Variants in FBXO25 observed in about 807,000 individuals in gnomAD.
FBXO25 encodes F-box protein 25.
Under a neutral mutation model 51.9 loss-of-function variants are expected in FBXO25, and 45 were observed. The ratio of observed to expected loss-of-function variants is 0.87; its 90% CI spans 0.68 to 1.11. FBXO25 has a LOEUF of 1.11. Among genes scored for constraint, FBXO25 ranks in the 50% most tolerant of loss-of-function variants. The pLI is 0.00. For synonymous variants in FBXO25, 199 were observed against 151.0 expected (o/e 1.32, Z -2.33); for missense variants, 507 against 428.5 (o/e 1.18, Z -1.62).
intron 6 of FBXO25, 124 bp downstream of exon 6, chr8:450,207 T>C (rs1798994670): frequency 1.8e-6 from 1 of 565,606 alleles, no homozygotes; most frequent in African/African-American, 2.0e-5. Context: ...GTAAATAATG[T>C]GATAACATCA....
chr8:413,518 G>T (rs1796612565), intron 2 of FBXO25, among the ~76,000 whole-genome samples: 1 of 151,960 alleles, frequency 6.6e-6, no homozygotes, highest in Non-Finnish European at 1.5e-5. Flanking sequence ...GCACAGTTTT[G>T]GTGGCATATA....
intron 5 of FBXO25, among the ~76,000 whole-genome samples, chr8:439,244 GC>G (rs1798279291): frequency 1.3e-5 from 2 of 152,152 alleles, no homozygotes; most frequent in Admixed American, 1.3e-4. Context: ...CTGCCCCCTC[GC>G]CCCTCTGGCA....
chr8:425,834 A>G (rs978079480), intron 2 of FBXO25, among the ~76,000 whole-genome samples: 1 of 150,068 alleles, frequency 6.7e-6, no homozygotes, highest in South Asian at 2.1e-4. Flanking sequence ...ACAGGGAACC[A>G]CCTTGTTCTA....
intron 1 of FBXO25, among the ~76,000 whole-genome samples, chr8:408,024 C>T (rs939255078): frequency 1.8e-4 from 28 of 152,324 alleles, no homozygotes; most frequent in Non-Finnish European, 3.7e-4. Context: ...GACGTTTACT[C>T]TTTCATATTC....
rs1800498967 is a variant in FBXO25, at chr8:471,946, A to G, written c.*3142A>G. ...GTGCTGCTTTTAGAACCAAACTGTC[A>G]TATAAGATTTATCAGCTCTTTTAAC... On this transcript the variant is annotated 3_prime_UTR_variant, in exon 10 of 10. Transcript: ENST00000350302. The G allele has an allele frequency of 6.6e-6, 1 of 152,258 alleles. No homozygotes were observed. The highest frequency in any genetic ancestry group is 2.4e-5 in the African/African-American group (1 of 41,464). The allele number at this position is 152,258 out of a possible 1,614,324, so 9.4% of individuals were successfully genotyped here.
Position 474,865 on chromosome 8 carries a change from G to C in FBXO25, c.*6061G>C. 2.2e-6 allele frequency: 1 copy of C among 448,912 alleles called. No homozygotes were observed. The highest frequency in any genetic ancestry group is 4.4e-6 in the Non-Finnish European group (1 of 225,024). 27.8% of individuals were successfully genotyped at this position (448,912 alleles called of 1,614,324 possible). On this transcript the variant is annotated 3_prime_UTR_variant, in exon 10 of 10. Coordinates refer to ENST00000350302, the MANE Select transcript of FBXO25 (RefSeq NM_183420.2). ...CTTTTAGTTACCTGTGTGTGCCTCTGGTGTCATATCTAAGAAATCACTGCC... is the reference window on the plus strand; with the variant it reads ...CTTTTAGTTACCTGTGTGTGCCTCTCGTGTCATATCTAAGAAATCACTGCC...
At chr8:420,899 A>G (rs570686278) in intron 2 of FBXO25, among the ~76,000 whole-genome samples, 18 of 152,364 alleles carry the variant, frequency 1.2e-4, no homozygotes, top group Admixed American at 4.6e-4. Context: ...GAATTTCACT[A>G]AAATCAACAT....
chr8:435,259 T>C (rs149168937), intron 4 of FBXO25, among the ~76,000 whole-genome samples: 21,253 of 151,984 alleles, frequency 0.14, 1,569 homozygotes, highest in East Asian at 0.16. Flanking sequence ...GTATTTTTAG[T>C]TGCGTAGCCT....
chr8:414,978 T>A (rs1172250215), intron 2 of FBXO25, among the ~76,000 whole-genome samples: 1 of 152,216 alleles, frequency 6.6e-6, no homozygotes, highest in African/African-American at 2.4e-5. Context: ...GACCTGAAAC[T>A]GCAGCAGATG....
intron 3 of FBXO25, among the ~76,000 whole-genome samples, chr8:432,432 A>C (rs1206705249): frequency 1.3e-5 from 2 of 150,544 alleles, no homozygotes; most frequent in African/African-American, 5.0e-5. Context: ...TGAAACTGTG[A>C]ATACGGGGGG....
intron 2 of FBXO25, among the ~76,000 whole-genome samples, chr8:425,835 C>T (rs923086425): frequency 1.3e-5 from 2 of 151,328 alleles, no homozygotes; most frequent in African/African-American, 4.9e-5. Context: ...CAGGGAACCA[C>T]CTTGTTCTAT....
intron 4 of FBXO25, among the ~76,000 whole-genome samples, chr8:433,941 T>G (rs913749619): frequency 5.3e-5 from 8 of 152,188 alleles, no homozygotes; most frequent in African/African-American, 7.2e-5. Context: ...CTAACCTAGT[T>G]TGTGAAAAAC....
chr8:412,913 T>A lies in FBXO25; in HGVS notation c.-7-160T>A, dbSNP rs118120075. 9.0e-4 allele frequency among the ~76,000 whole-genome samples: 137 copies of A among 152,310 alleles called. 5 individuals are homozygous for A. The East Asian group carries it at 0.024, about 27-fold the overall frequency. On this transcript the variant is annotated intron_variant, in intron 1 of 9. Coordinates refer to ENST00000350302, the MANE Select transcript of FBXO25 (RefSeq NM_183420.2). ...ATTTGATCACTTTAGTACACAGTAC[T>A]GTGTTATTGTCACTGTCACCAATGT...
chr8:438,112 T>C (rs1798208829), intron 5 of FBXO25, among the ~76,000 whole-genome samples: 1 of 152,010 alleles, frequency 6.6e-6, no homozygotes, highest in Admixed American at 6.5e-5. Flanking sequence ...TGGAGTGCAG[T>C]GGCACGATCT....
intron 9 of FBXO25, among the ~76,000 whole-genome samples, chr8:465,917 G>T (rs529974680): frequency 1.4e-4 from 22 of 152,250 alleles, no homozygotes; most frequent in Admixed American, 1.4e-3. Context: ...TGCCATTCTT[G>T]TATTTAGTGA....
chr8:461,071 G>C (rs544723406), intron 8 of FBXO25, among the ~76,000 whole-genome samples: 3 of 152,138 alleles, frequency 2.0e-5, no homozygotes, highest in African/African-American at 7.2e-5. Context: ...CCTTTAGCCC[G>C]TGCATTTTGT....
chr8:435,485 A>G, intron 4 of FBXO25, 130 bp from the exon 5 acceptor site: 1 of 1,049,466 alleles, frequency 9.5e-7, no homozygotes, highest in Non-Finnish European at 1.4e-6. Context: ...ATCTAAATCT[A>G]AAATCAGTCT....
rs532859126 is a variant in FBXO25 at position 434,253 on chromosome 8, G to C, written c.288+1318G>C. Among the ~76,000 whole-genome samples the C allele has an allele frequency of 5.9e-5, 9 of 152,282 alleles. No individual in the cohort carries two copies. In the East Asian group the frequency reaches 1.2e-3, roughly 20 times the overall value. On this transcript the variant is annotated intron_variant, in intron 4 of 9. Coordinates refer to ENST00000350302, the MANE Select transcript of FBXO25 (RefSeq NM_183420.2). ...TGTCTCACCGCTTCCGAGGTTACATGCTGTGGTTCTAGGTCCGCACATGCT... is the reference window on the plus strand; with the variant it reads ...TGTCTCACCGCTTCCGAGGTTACATCCTGTGGTTCTAGGTCCGCACATGCT...
chr8:430,269 A>G (rs1366654225), intron 2 of FBXO25, among the ~76,000 whole-genome samples: 1 of 152,240 alleles, frequency 6.6e-6, no homozygotes, highest in African/African-American at 2.4e-5. Flanking sequence ...ACTAAATACA[A>G]AATACAAACA....
Sources: gnomAD v4.1 joint callset for allele counts (sites outside exome capture counted in the v4.1 genomes callset) on GRCh38, gnomAD v4.1.1 for gene constraint, MANE v1.5 for transcripts, NCBI Gene and HGNC (gene_info 2026-07-23, HGNC 2026-07-21) for gene names.